The following G3BP1 variants were observed in gnomAD, a reference collection of about 807,000 sequenced individuals.
The protein encoded by G3BP1 is G3BP stress granule assembly factor 1.
Under a neutral mutation model 58.6 loss-of-function variants are expected in G3BP1, and 35 were observed. The ratio of observed to expected loss-of-function variants is 0.60; its 90% confidence interval spans 0.46 to 0.79. G3BP1 has a LOEUF of 0.79. Among genes scored for constraint, G3BP1 ranks in the 30% least tolerant of loss-of-function variants. G3BP1 has a pLI of 0.00. For synonymous variants in G3BP1, 191 were observed against 195.4 expected, an observed-to-expected ratio of 0.98 and a Z score of 0.19; for missense variants, 523 against 580.8, an observed-to-expected ratio of 0.90 and a Z score of 1.02.
At chr5:151,793,350 C>G (rs1480948688) in intron 4 of G3BP1, among the ~76,000 whole-genome samples, 1 of 152,096 alleles carries the variant, frequency 6.6e-6, no homozygotes, top group East Asian at 1.9e-4. Flanking sequence ...CTTAGGTGAT[C>G]TGCCTGCCTC....
chr5:151,798,279 G>T (rs1304203875), intron 7 of G3BP1, among the ~76,000 whole-genome samples: 1 of 152,120 alleles, frequency 6.6e-6, no homozygotes, highest in African/African-American at 2.4e-5. Context: ...AGCCTGGGAA[G>T]TCAAGGCTGC....
chr5:151,801,826 T>A (rs11167554), intron 11 of G3BP1, among the ~76,000 whole-genome samples: 2,839 of 152,070 alleles, frequency 0.019, 76 homozygotes, highest in African/African-American at 0.065. Flanking sequence ...TTTATTTTTT[T>A]TTTTTTGAGA....
At chr5:151,787,951 A>G (rs1341866163) in intron 2 of G3BP1, among the ~76,000 whole-genome samples, 1 of 151,240 alleles carries the variant, frequency 6.6e-6, no homozygotes, top group Non-Finnish European at 1.5e-5. Context: ...GAGAGAGTTA[A>G]GTCTCAGCTG....
rs536768794 is a variant in G3BP1 at position 151,805,605 on chromosome 5, A to G, written c.*1514A>G. 6.6e-6 allele frequency: 1 copy of G among 152,334 alleles called. No individual in the cohort carries two copies. Among genetic ancestry groups the G allele is most frequent in the South Asian group, 2.1e-4 (1 of 4,830 alleles). 9.4% of individuals were successfully genotyped at this position (152,334 alleles called of 1,614,324 possible). A position where few individuals can be genotyped will look rare whatever the true frequency, so the allele number is the denominator to read the frequency against. ...ACTGAGAAACTCTAGGTTTGCTGTG[A>G]TGGTTAAGACCACAGTGAAGTTGGT... On this transcript the variant is annotated 3_prime_UTR_variant, in exon 12 of 12. Transcript: ENST00000356245.
intron 2 of G3BP1, chr5:151,787,915 A>ATG (rs36126085): frequency 0.2 from 32,745 of 167,520 alleles, 3,760 homozygotes; most frequent in East Asian, 0.27. Flanking sequence ...GTGTGTGTGC[A>ATG]TGTGTGTGTG....
Position 151,791,000 on chromosome 5 carries a change from C to G in G3BP1, c.289C>G (p.Leu97Val). Residue 97 changes from leucine to valine, a missense_variant, in exon 4 of 12, where the codon CTT becomes GTT. Leu to Val is a conservative substitution (Grantham distance 32). Around this residue, in one of 2 missense-constraint regions of G3BP1, gnomAD observed 398 missense variants for 399.1 expected, o/e 1.00. Coordinates refer to ENST00000356245, the MANE Select transcript of G3BP1 (RefSeq NM_005754.3). ...TGGTGTGGTAGTCCAGGTGATGGGG[C>G]TTCTCTCTAACAACAACCAGGCTTT... ...NDGVVVQVMG[L>V]LSNNNQALRR... 6.2e-7 allele frequency: 1 copy of G among 1,613,480 alleles called. No individual in the cohort carries two copies. The highest frequency in any genetic ancestry group is 8.5e-7 in the Non-Finnish European group (1 of 1,179,660).
intron 1 of G3BP1, among the ~76,000 whole-genome samples, chr5:151,777,181 T>G (rs940835706): frequency 1.3e-5 from 2 of 152,222 alleles, no homozygotes; most frequent in African/African-American, 4.8e-5. Context: ...GCTTCTGTAT[T>G]CATGTTACTC....
chr5:151,799,183 A>G, intron 7 of G3BP1, 29 bp from the exon 8 acceptor site: 1 of 1,048,034 alleles, frequency 9.5e-7, no homozygotes. Context: ...ACCTGGTATA[A>G]TTATGTAATG....
At chr5:151,800,616 C>T in intron 10 of G3BP1, 144 bp from the exon 11 acceptor site, 1 of 625,696 alleles carries the variant, frequency 1.6e-6, no homozygotes, top group Non-Finnish European at 2.9e-6. Context: ...TTATGAGAGG[C>T]ACATCTCAAT....
At chr5:151,788,202 G>T (rs1035712772) in intron 2 of G3BP1, among the ~76,000 whole-genome samples, 3 of 150,836 alleles carry the variant, frequency 2.0e-5, no homozygotes, top group Admixed American at 6.6e-5. Context: ...GTGTAATTGG[G>T]TTTTTTTTTA....
At chr5:151,784,145 A>G (rs1762518587) in intron 1 of G3BP1, among the ~76,000 whole-genome samples, 1 of 151,998 alleles carries the variant, frequency 6.6e-6, no homozygotes, top group South Asian at 2.1e-4. Flanking sequence ...ACCCAGGCCG[A>G]AGTGCAGTGG....
rs1238294267 is a variant in G3BP1, at chr5:151,805,139, T to C, written c.*1048T>C. Reference sequence around the variant, plus strand: ...CAGCATTTGTATTTTTATTCTGGTATCTAATCAGATTCCTAATCATAGCCC... The same window carrying C: ...CAGCATTTGTATTTTTATTCTGGTACCTAATCAGATTCCTAATCATAGCCC... On this transcript the variant is annotated 3_prime_UTR_variant, in exon 12 of 12. Transcript: ENST00000356245. 1 of 152,630 alleles carries C rather than the reference T, an allele frequency of 6.6e-6. No individual in the cohort carries two copies. The highest frequency in any genetic ancestry group is 1.5e-5 in the Non-Finnish European group (1 of 68,014). The allele number at this position is 152,630 out of a possible 1,614,324, so 9.5% of individuals were successfully genotyped here.
Position 151,809,106 on chromosome 5 carries a change from T to C in G3BP1, c.*5015T>C, listed in dbSNP as rs1762977612. On this transcript the variant is annotated 3_prime_UTR_variant, in exon 12 of 12. Coordinates refer to ENST00000356245, the MANE Select transcript of G3BP1 (RefSeq NM_005754.3). ...GCAGGAGATTGCTTGAGCCCAGGAG[T>C]TGGAGGCTGCAGTGAGTTATGATCA... 1 of 152,164 alleles carries C rather than the reference T, an allele frequency of 6.6e-6. No individual in the cohort carries two copies. Among genetic ancestry groups the C allele is most frequent in the Admixed American group, 6.5e-5 (1 of 15,268 alleles). 9.4% of individuals were successfully genotyped at this position (152,164 alleles called of 1,614,324 possible).
chr5:151,774,111 G>C (rs763763184), intron 1 of G3BP1, among the ~76,000 whole-genome samples: 10 of 152,180 alleles, frequency 6.6e-5, no homozygotes, highest in Non-Finnish European at 1.2e-4. Context: ...GGTAATGTAA[G>C]GCTTGGCAAG....
intron 1 of G3BP1, among the ~76,000 whole-genome samples, chr5:151,782,488 A>G (rs1762485103): frequency 6.6e-6 from 1 of 152,188 alleles, no homozygotes; most frequent in Non-Finnish European, 1.5e-5. Flanking sequence ...GTTTAATAAT[A>G]TCTTTCTAGA....
chr5:151,795,404 G>T (rs767187363), intron 5 of G3BP1, 75 bp from the exon 6 acceptor site: 3 of 759,302 alleles, frequency 4.0e-6, no homozygotes, highest in Non-Finnish European at 6.8e-6. Context: ...CTGTTGTTTT[G>T]TGAACATTGC....
chr5:151,803,816 T>C, intron 11 of G3BP1, 69 bp from the exon 12 acceptor site: 1 of 1,066,350 alleles, frequency 9.4e-7, no homozygotes. Flanking sequence ...TTATTACAGC[T>C]TTCTTTATCT....
intron 2 of G3BP1, among the ~76,000 whole-genome samples, chr5:151,789,033 C>T (rs1211436935): frequency 8.5e-5 from 13 of 152,156 alleles, no homozygotes; most frequent in Admixed American, 8.5e-4. Context: ...CCTTGGCCTC[C>T]CAAAGTGTTG....
intron 1 of G3BP1, among the ~76,000 whole-genome samples, chr5:151,780,518 T>G (rs1446600296): frequency 6.6e-6 from 1 of 152,134 alleles, no homozygotes; most frequent in Non-Finnish European, 1.5e-5. Context: ...TATTTCCCCC[T>G]CCGCCGCTAG....
Sources: gnomAD v4.1 joint callset for allele counts (sites outside exome capture counted in the v4.1 genomes callset) on GRCh38, gnomAD v4.1.1 for gene constraint, gnomAD v4.1.1 regional missense constraint, MANE v1.5 for transcripts, NCBI Gene and HGNC (gene_info 2026-07-23, HGNC 2026-07-21) for gene names.